The following EEF2 variants were observed in gnomAD, a reference collection of about 807,000 sequenced individuals.
EEF2 encodes the protein eukaryotic translation elongation factor 2.
In EEF2, 21 loss-of-function variants were observed where a neutral mutation model predicts 85.3. That is an observed-to-expected ratio of 0.25 (90% CI 0.17 to 0.35). EEF2 has a LOEUF of 0.35. Among genes scored for constraint, EEF2 ranks in the 10% least tolerant of loss-of-function variants. EEF2 has a pLI of 1.00. For synonymous variants in EEF2, 723 were observed against 508.8 expected (o/e 1.42, Z -5.67); for missense variants, 825 against 1,225.3 (o/e 0.67, Z 4.88).
At chr19:3,981,573 G>A in intron 6 of EEF2, 121 bp from the exon 7 acceptor site, 2 of 936,830 alleles carry the variant, frequency 2.1e-6, no homozygotes, top group South Asian at 2.9e-5. Flanking sequence ...AGCAGGAGCA[G>A]GCCTGGCCTG....
In EEF2 at chr19:3,984,348, C is replaced by T. The variant is rs1478105610; in HGVS notation, c.6G>A (p.Val2=). 2 of 1,613,976 alleles carry T rather than the reference C, an allele frequency of 1.2e-6. No individual in the cohort carries two copies. The highest frequency in any genetic ancestry group is 2.2e-5 in the South Asian group (2 of 91,070). Residue 2 remains valine (V), a splice_region_variant and synonymous_variant, in exon 2 of 15, where the codon GTG becomes GTA. Coordinates refer to ENST00000309311, the MANE Select transcript of EEF2 (RefSeq NM_001961.4). ...CGCGGATCTGGTCTACCGTGAAGTT[C>T]ACCTGGGCAAGACAAGGAGGCTCAG... The part of the protein sequence containing the change: M[V]NFTVDQIRAI...
rs750546057 is a variant in EEF2, at chr19:3,977,188, T to C, written c.2383+27A>G. Reference sequence around the variant, plus strand: ...TCCCCCAAACCAGCCTGCCAGGCTCTGCAGGCCACACCGGGCAGGCACTCA... The same window carrying C: ...TCCCCCAAACCAGCCTGCCAGGCTCCGCAGGCCACACCGGGCAGGCACTCA... On this transcript the variant is annotated intron_variant, in intron 14 of 14. Coordinates refer to ENST00000309311, the MANE Select transcript of EEF2 (RefSeq NM_001961.4). This position sits in a 1 kb window ranked among gnomAD's most constrained non-coding sequence, Gnocchi z 5.4. 6.2e-7 allele frequency: 1 copy of C among 1,609,236 alleles called. No homozygotes were observed. The highest frequency in any genetic ancestry group is 1.7e-5 in the Admixed American group (1 of 59,818).
chr19:3,984,496 CTAACACCCCT>C lies in EEF2; in HGVS notation c.4-156_4-147del, dbSNP rs568250480. 203 of 792,000 alleles carry C rather than the reference CTAACACCCCT, an allele frequency of 2.6e-4. 1 individual carries two copies. The Admixed American group carries it at 4.8e-3, about 19-fold the overall frequency. 49.1% of individuals were successfully genotyped at this position (792,000 alleles called of 1,614,324 possible). On this transcript the variant is annotated intron_variant, in intron 1 of 14. Transcript: ENST00000309311. ...CCCAAGCCCACCGAATCTTGCCAGC[CTAACACCCCT>C]TAAGAGCCACCCCGCAATCTCCAAG... is the stretch of plus-strand genomic sequence containing the variant.
Position 3,977,911 on chromosome 19 carries a change from G to T in EEF2, c.1975C>A (p.Pro659Thr). The part of the protein sequence containing the change: ...IWCFGPDGTG[P>T]NILTDITKGV... ...TTGGTGATGTCGGTGAGGATGTTGG[G>T]GCCGGTGCCGTCGGGCCCAAAGCAC... is the stretch of plus-strand genomic sequence containing the variant. Residue 659 changes from proline to threonine, a missense_variant, in exon 12 of 15, where the codon CCC becomes ACC. Transcript: ENST00000309311. The surrounding 1 kb of genome is among the most constrained non-coding windows in gnomAD (Gnocchi z 5.4). 1 of 1,613,640 alleles carries T rather than the reference G, an allele frequency of 6.2e-7. No individual in the cohort carries two copies. Among genetic ancestry groups the T allele is most frequent in the Non-Finnish European group, 8.5e-7 (1 of 1,179,964 alleles).
chr19:3,980,963 C>A lies in EEF2; in HGVS notation c.1028G>T (p.Trp343Leu). The A allele has an allele frequency of 6.4e-7, 1 of 1,573,882 alleles. No individual in the cohort carries two copies. ...CAACAAGGCGTCTCCGGCAGGCAGC[C>A]AGCGGCGCATCACAGCCTGCGGGGG... is the stretch of plus-strand genomic sequence containing the variant. Reference protein sequence around the residue: ...KPLLKAVMRRWLPAGDALLQM... With the variant: ...KPLLKAVMRRLLPAGDALLQM... The change falls in exon 8 of 15, where the codon TGG (tryptophan) becomes TTG (leucine). Residue 343 changes from tryptophan (W) to leucine (L), a missense_variant. By Grantham distance (61) the Trp-to-Leu change is moderately conservative. Transcript: ENST00000309311.
At chr19:3,983,495 G>A (rs2039780961) in intron 2 of EEF2, among the ~76,000 whole-genome samples, 1 of 152,014 alleles carries the variant, frequency 6.6e-6, no homozygotes, top group Admixed American at 6.6e-5. Context: ...CAGCCCCATA[G>A]CCAGATCCTC....
intron 9 of EEF2, 145 bp from the exon 10 acceptor site, chr19:3,980,211 G>A (rs1039138598): frequency 1.9e-5 from 24 of 1,231,216 alleles, no homozygotes; most frequent in African/African-American, 1.1e-4. Flanking sequence ...TGACTGCTGC[G>A]TCGGGGCTGT....
At chr19:3,982,452 C>T (rs771005227) in intron 4 of EEF2, 28 bp from the exon 5 acceptor site, 18 of 1,613,464 alleles carry the variant, frequency 1.1e-5, no homozygotes, top group African/African-American at 4.0e-5. Flanking sequence ...GAGAAGCAGC[C>T]GTGAGGGCCC....
intron 1 of EEF2, 142 bp downstream of exon 1, chr19:3,985,235 CT>C: frequency 1.0e-6 from 1 of 955,026 alleles, no homozygotes; most frequent in Non-Finnish European, 1.4e-6. Flanking sequence ...GCGGCGGCCG[CT>C]TCCCCAGCCC....
At position 3,979,951 on chromosome 19, in the gene EEF2, A is replaced by G; in HGVS notation, c.1462T>C (p.Phe488Leu). 6.2e-7 allele frequency: 1 copy of G among 1,613,938 alleles called. No individual in the cohort carries two copies. The highest frequency in any genetic ancestry group is 8.5e-7 in the Non-Finnish European group (1 of 1,180,042). Residue 488 changes from phenylalanine to leucine, a missense_variant, in exon 10 of 15, where the codon TTC becomes CTC. Coordinates refer to ENST00000309311, the MANE Select transcript of EEF2 (RefSeq NM_001961.4). ...FLVKTGTITT[F>L]EHAHNMRVMK... The stretch of plus-strand genomic sequence containing the variant: ...ACCCGCATGTTGTGCGCGTGCTCGA[A>G]GGTGGTGATGGTGCCCGTCTTCACC...
In EEF2 at chr19:3,985,239, C is replaced by A. The variant is rs999279806; in HGVS notation, c.3+139G>T. On this transcript the variant is annotated intron_variant, in intron 1 of 14. Coordinates refer to ENST00000309311, the MANE Select transcript of EEF2 (RefSeq NM_001961.4). ...GCACAGACATGGCGGCGGCCGCTTC[C>A]CCAGCCCCGGGTCCTCCGGCCCCGC... 68 of 1,008,454 alleles carry A rather than the reference C, an allele frequency of 6.7e-5. 1 individual carries two copies. In the South Asian group the frequency reaches 2.0e-3, roughly 30 times the overall value. The allele number at this position is 1,008,454 out of a possible 1,614,324, so 62.5% of individuals were successfully genotyped here.
rs1161719704 is a variant in EEF2 at position 3,982,864 on chromosome 19, C to T, written c.555G>A (p.Val185=). The change falls in exon 4 of 15, where the codon GTG becomes GTA. Residue 185 remains valine (V), a synonymous_variant. Coordinates refer to ENST00000309311, the MANE Select transcript of EEF2 (RefSeq NM_001961.4). ...CGCCGTAGGTGGAGATGATGACGTT[C>T]ACGTTCTCCACGATGCGCTGGAAAG... The part of the protein sequence containing the change: ...YQTFQRIVEN[V]NVIISTYGEG... 1 of 1,613,654 alleles carries T rather than the reference C, an allele frequency of 6.2e-7. No individual in the cohort carries two copies. The highest frequency in any genetic ancestry group is 8.5e-7 in the Non-Finnish European group (1 of 1,179,986).
intron 2 of EEF2, among the ~76,000 whole-genome samples, chr19:3,983,663 A>G (rs2039783431): frequency 6.6e-6 from 1 of 152,046 alleles, no homozygotes; most frequent in Admixed American, 6.6e-5. Flanking sequence ...AGGGGAAATG[A>G]AGAGCCTTAG....
chr19:3,980,814 C>G, intron 8 of EEF2, 27 bp downstream of exon 8: 2 of 1,580,716 alleles, frequency 1.3e-6, no homozygotes, highest in Non-Finnish European at 1.7e-6. Flanking sequence ...GGCTGCATCT[C>G]AGGGCCCGGC....
chr19:3,982,225 A>G (rs2039759316), intron 5 of EEF2, 21 bp downstream of exon 5: 1 of 1,612,610 alleles, frequency 6.2e-7, no homozygotes, highest in Non-Finnish European at 8.5e-7. Flanking sequence ...GGAATCCCCC[A>G]CCATATCCCG....
Position 3,976,501 on chromosome 19 carries a change from G to A in EEF2, c.*53C>T, listed in dbSNP as rs1449049100. ...TGTCGTCTGAGAATTCGAGGACGTG[G>A]TGCTGTGGGTGCTGCGAGTCCCCGG... is the stretch of plus-strand genomic sequence containing the variant. On this transcript the variant is annotated 3_prime_UTR_variant, in exon 15 of 15. Transcript: ENST00000309311. 3.2e-6 allele frequency: 5 copies of A among 1,550,356 alleles called. No individual in the cohort carries two copies. The East Asian group carries it at 9.6e-5, about 30-fold the overall frequency.
In EEF2 at chr19:3,983,024, G is replaced by T. The variant is rs1346115922; in HGVS notation, c.401-6C>A. ...CTCCGTCTGCACGCACACGCCTGGG[G>T]ACACGGGGGACAGGGCGGCGCTGTC... On this transcript the variant is annotated splice_polypyrimidine_tract_variant and splice_region_variant and intron_variant, in intron 3 of 14. Transcript: ENST00000309311. The T allele has an allele frequency of 6.2e-7, 1 of 1,612,792 alleles. No homozygotes were observed. Among genetic ancestry groups the T allele is most frequent in the Middle Eastern group, 1.7e-4 (1 of 6,056 alleles).
At position 3,976,320 on chromosome 19, in the gene EEF2, C is replaced by T. The variant is rs1310149698; in HGVS notation, c.*234G>A. The stretch of plus-strand genomic sequence containing the variant: ...TCCCGCCTCCCCCTCCCCGACCGGC[C>T]CATTAAGTCCCTACTAAGAGGGCGT... On this transcript the variant is annotated 3_prime_UTR_variant, in exon 15 of 15. Coordinates refer to ENST00000309311, the MANE Select transcript of EEF2 (RefSeq NM_001961.4). 6.6e-6 allele frequency: 3 copies of T among 456,598 alleles called. No homozygotes were observed. In the South Asian group the frequency reaches 8.4e-5, roughly 13 times the overall value. The allele number at this position is 456,598 out of a possible 1,614,324, so 28.3% of individuals were successfully genotyped here.
rs901545405 is a variant in EEF2, at chr19:3,983,713, C to T, written c.219-422G>A. The T allele has an allele frequency of 1.1e-4, 32 of 292,058 alleles. No individual in the cohort carries two copies. In the Admixed American group the frequency reaches 1.4e-3, roughly 13 times the overall value. 18.1% of individuals were successfully genotyped at this position (292,058 alleles called of 1,614,324 possible). ...CAATGTACCAACCCAGGACAAAAAG[C>T]AGTTGGGGTCACCGTACTCTGCGCT... On this transcript the variant is annotated intron_variant, in intron 2 of 14. Transcript: ENST00000309311.
Sources: gnomAD v4.1 joint callset for allele counts (sites outside exome capture counted in the v4.1 genomes callset) on GRCh38, gnomAD v4.1.1 for gene constraint, Gnocchi (gnomAD v3.1) non-coding constraint, MANE v1.5 for transcripts, NCBI Gene and HGNC (gene_info 2026-07-23, HGNC 2026-07-21) for gene names.